The following CSMD3 variants were observed in gnomAD, a reference collection of about 807,000 sequenced individuals.
CSMD3 encodes the protein CUB and sushi domain-containing protein 3.
CSMD3 carries 177 observed loss-of-function variants against 435.2 expected under a neutral mutation model. The ratio of observed to expected loss-of-function variants is 0.41; its 90% CI spans 0.36 to 0.46. The LOEUF (loss-of-function observed/expected upper bound fraction) is 0.46. Among genes scored for constraint, CSMD3 ranks in the 20% least tolerant of loss-of-function variants. CSMD3 has a pLI of 0.34. For missense variants in CSMD3, 4,265 were observed against 4,504.6 expected (o/e 0.95, Z 1.52); for synonymous variants, 1,656 against 1,520.5 (o/e 1.09, Z -2.07).
intron 16 of CSMD3, among the ~76,000 whole-genome samples, chr8:112,679,172 T>C (rs1412260936): frequency 6.6e-6 from 1 of 151,578 alleles, no homozygotes; most frequent in Non-Finnish European, 1.5e-5. Flanking sequence ...AGTACCTAAG[T>C]AGAATTCAGG....
At chr8:112,475,067 C>T (rs1818910382) in intron 31 of CSMD3, among the ~76,000 whole-genome samples, 1 of 152,072 alleles carries the variant, frequency 6.6e-6, no homozygotes, top group African/African-American at 2.4e-5. Context: ...GGCAGTATGT[C>T]TTATGTTAAT....
At chr8:112,408,044 T>C (rs538003431) in intron 34 of CSMD3, among the ~76,000 whole-genome samples, 24 of 152,012 alleles carry the variant, frequency 1.6e-4, no homozygotes, top group Non-Finnish European at 2.2e-4. Context: ...AAAATGTAGA[T>C]AGTAAAGGAT....
rs78778502 is a variant in CSMD3 at position 113,320,443 on chromosome 8, T to C, written c.179-5650A>G. ...AGAAATAATGCAATGACTATATGTA[T>C]AGTAGTTTAATGATGTTTTAATTTT... is the stretch of plus-strand genomic sequence containing the variant. On this transcript the variant is annotated intron_variant, in intron 1 of 70. Transcript: ENST00000297405. Among the ~76,000 whole-genome samples the C allele has an allele frequency of 5.1e-3, 777 of 152,168 alleles. 10 individuals are homozygous for C. Among genetic ancestry groups the C allele is most frequent in the African/African-American group, 0.018 (750 of 41,542 alleles).
intron 13 of CSMD3, among the ~76,000 whole-genome samples, chr8:112,765,011 T>C (rs2077940478): frequency 6.6e-6 from 1 of 151,250 alleles, no homozygotes; most frequent in Admixed American, 6.6e-5. Context: ...GTGCACATAG[T>C]GAATGAGAGG....
Position 112,903,798 on chromosome 8 carries a change from T to C in CSMD3, c.1633+17829A>G, listed in dbSNP as rs766662699. ...CTTCTACATTTCCAAAGTAAAACAC[T>C]TGTTCACACCTCTAGATATTTTTTC... On this transcript the variant is annotated intron_variant, in intron 10 of 70. Coordinates refer to ENST00000297405, the MANE Select transcript of CSMD3 (RefSeq NM_198123.2). Among the ~76,000 whole-genome samples the C allele has an allele frequency of 7.9e-5, 12 of 151,444 alleles. 1 individual carries two copies. In the South Asian group the frequency reaches 1.0e-3, roughly 13 times the overall value.
At position 113,412,004 on chromosome 8, in the gene CSMD3, T is replaced by C. The variant is rs551992644; in HGVS notation, c.178+24673A>G. The stretch of plus-strand genomic sequence containing the variant: ...GTACCCAGGCAGGACGGTTAATGTC[T>C]TTTTGCTCTAGTTTTTTACTTATAA... On this transcript the variant is annotated intron_variant, in intron 1 of 70. Transcript: ENST00000297405. Among the ~76,000 whole-genome samples the C allele has an allele frequency of 1.3e-3, 202 of 152,240 alleles. 1 individual carries two copies. The highest frequency in any genetic ancestry group is 4.5e-3 in the African/African-American group (189 of 41,542).
chr8:112,392,106 A>G (rs1830463613), intron 35 of CSMD3, among the ~76,000 whole-genome samples: 1 of 152,284 alleles, frequency 6.6e-6, no homozygotes, highest in Non-Finnish European at 1.5e-5. Context: ...ACCTTGGAAA[A>G]CAGTTAGAAA....
At chr8:112,624,669 G>A (rs891933801) in intron 22 of CSMD3, among the ~76,000 whole-genome samples, 23 of 151,996 alleles carry the variant, frequency 1.5e-4, no homozygotes, top group African/African-American at 5.6e-4. Flanking sequence ...AGTACCAGGT[G>A]AGATACTTTT....
rs544113810 is a variant in CSMD3 at position 112,989,535 on chromosome 8, A to T, written c.1031-13387T>A. On this transcript the variant is annotated intron_variant, in intron 6 of 70. Transcript: ENST00000297405. ...GGTGAGCATGGGAGATAACGTGAAC[A>T]AAGGGATAAACAATTAACAAAAATA... 5.3e-5 allele frequency among the ~76,000 whole-genome samples: 8 copies of T among 152,158 alleles called. No individual in the cohort carries two copies. In the South Asian group the frequency reaches 1.5e-3, roughly 28 times the overall value.
intron 27 of CSMD3, among the ~76,000 whole-genome samples, chr8:112,548,272 C>T (rs1157800095): frequency 2.6e-5 from 4 of 152,072 alleles, no homozygotes; most frequent in Admixed American, 1.3e-4. Flanking sequence ...ATTTCATCTC[C>T]TTTTTTAGAT....
rs144105493 is a variant in CSMD3, at chr8:113,406,561, G to A, written c.178+30116C>T. On this transcript the variant is annotated intron_variant, in intron 1 of 70. Coordinates refer to ENST00000297405, the MANE Select transcript of CSMD3 (RefSeq NM_198123.2). ...AGCAATGTGGGTTGTAGTCTAAATA[G>A]TAAGCTCCAAAAGTTCAATCTAGTT... Among the ~76,000 whole-genome samples the A allele has an allele frequency of 1.0e-3, 153 of 152,042 alleles. 1 individual carries two copies. The highest frequency in any genetic ancestry group is 3.5e-3 in the African/African-American group (147 of 41,536).
At chr8:112,414,857 T>C (rs1442433058) in intron 32 of CSMD3, among the ~76,000 whole-genome samples, 1 of 152,152 alleles carries the variant, frequency 6.6e-6, no homozygotes, top group African/African-American at 2.4e-5. Flanking sequence ...AAGAGACTGG[T>C]GGCATTTTGC....
intron 13 of CSMD3, among the ~76,000 whole-genome samples, chr8:112,695,671 C>G (rs2076236563): frequency 6.6e-6 from 1 of 152,158 alleles, no homozygotes; most frequent in Non-Finnish European, 1.5e-5. Flanking sequence ...AAAACAGGCA[C>G]AAGACAGGGA....
chr8:112,960,413 A>T (rs2084184122), intron 7 of CSMD3, among the ~76,000 whole-genome samples: 1 of 151,788 alleles, frequency 6.6e-6, no homozygotes. Context: ...CTGAGAAAAC[A>T]ATACATCTTA....
intron 4 of CSMD3, among the ~76,000 whole-genome samples, chr8:113,133,567 T>C (rs2091339970): frequency 1.3e-5 from 2 of 152,084 alleles, no homozygotes; most frequent in Non-Finnish European, 2.9e-5. Context: ...GATCCAGCAA[T>C]CCCACTTGTG....
intron 12 of CSMD3, among the ~76,000 whole-genome samples, chr8:112,825,241 T>C (rs1005788671): frequency 6.6e-6 from 1 of 152,144 alleles, no homozygotes; most frequent in Non-Finnish European, 1.5e-5. Flanking sequence ...TCTTTGTATT[T>C]GGTTAGAACG....
intron 11 of CSMD3, among the ~76,000 whole-genome samples, chr8:112,840,550 A>G (rs539361534): frequency 1.3e-5 from 2 of 151,860 alleles, no homozygotes; most frequent in East Asian, 3.9e-4. Flanking sequence ...TTTGAATGTT[A>G]TTATACAAAG....
At chr8:113,357,729 G>A (rs1199101131) in intron 1 of CSMD3, among the ~76,000 whole-genome samples, 5 of 152,144 alleles carry the variant, frequency 3.3e-5, no homozygotes, top group African/African-American at 9.7e-5. Context: ...TGGATCATGG[G>A]GGCAGATTTC....
intron 6 of CSMD3, among the ~76,000 whole-genome samples, chr8:112,980,584 T>C (rs924272809): frequency 6.6e-6 from 1 of 151,422 alleles, no homozygotes; most frequent in Admixed American, 6.6e-5. Context: ...AAGCCATCAT[T>C]TGGAGAGTCA....
Sources: gnomAD v4.1 joint callset for allele counts (sites outside exome capture counted in the v4.1 genomes callset) on GRCh38, gnomAD v4.1.1 for gene constraint, MANE v1.5 for transcripts, NCBI Gene and HGNC (gene_info 2026-07-23, HGNC 2026-07-21) for gene names.